Variants in ABR observed in about 807,000 individuals in gnomAD.
ABR encodes the protein active breakpoint cluster region-related protein.
ABR carries 35 observed loss-of-function variants against 107.2 expected under a neutral mutation model. The ratio of observed to expected loss-of-function variants is 0.33; its 90% confidence interval spans 0.25 to 0.43. The LOEUF is 0.43. Ranked by LOEUF, ABR falls within the 20% of genes least tolerant of loss-of-function variation. ABR has a pLI of 1.00. For missense variants in ABR, 815 were observed against 1,115.2 expected (o/e 0.73, Z 3.83); for synonymous variants, 498 against 462.0 (o/e 1.08, Z -1.00).
chr17:1,072,253 C>T (rs1002465584), intron 8 of ABR, among the ~76,000 whole-genome samples: 1 of 152,118 alleles, frequency 6.6e-6, no homozygotes, highest in Non-Finnish European at 1.5e-5. Flanking sequence ...AACTTCTCAG[C>T]CTAGGGCCTG....
chr17:1,103,246 CGA>C (rs548561819), intron 2 of ABR, among the ~76,000 whole-genome samples: 46 of 152,192 alleles, frequency 3.0e-4, no homozygotes, highest in African/African-American at 1.1e-3. Context: ...CCTGAGGCAC[CGA>C]GAGTCGGGAC....
chr17:1,027,944 C>A lies in ABR; in HGVS notation c.1792-14780G>T, dbSNP rs2150882489. ...TATCTTGTACCCAGCACCTGTGTAC[C>A]CTCGATGGCCAAGTGAGTGGTAGAG... On this transcript the variant is annotated intron_variant, in intron 16 of 22. Coordinates refer to ENST00000302538, the MANE Select transcript of ABR (RefSeq NM_021962.5). The surrounding 1 kb of genome is among the most constrained non-coding windows in gnomAD (Gnocchi z 4.7). Among the ~76,000 whole-genome samples, 2 of 152,074 alleles carry A rather than the reference C, an allele frequency of 1.3e-5. No homozygotes were observed. Among genetic ancestry groups the A allele is most frequent in the South Asian group, 4.2e-4 (2 of 4,792 alleles).
upstream of ABR, among the ~76,000 whole-genome samples, chr17:1,191,285 GCCAGCTTCTCA>G (rs1000612183): frequency 6.7e-6 from 1 of 148,294 alleles, no homozygotes; most frequent in African/African-American, 2.6e-5. Context: ...CAAGCTTCCT[GCCAGCTTCTCA>G]CCAGCTTCTC....
At position 1,102,924 on chromosome 17, in the gene ABR, C is replaced by G. The variant is rs1053006947; in HGVS notation, c.247-2189G>C. ...GGGGTTTCACCATGTTGGCCAGGCT[C>G]GTCTCAAACTCCTGACCTCAGGTGA... On this transcript the variant is annotated intron_variant, in intron 2 of 22. Coordinates refer to ENST00000302538, the MANE Select transcript of ABR (RefSeq NM_021962.5). 2.0e-5 allele frequency among the ~76,000 whole-genome samples: 3 copies of G among 152,056 alleles called. No individual in the cohort carries two copies. In the South Asian group the frequency reaches 6.2e-4, roughly 32 times the overall value.
intron 1 of ABR, among the ~76,000 whole-genome samples, chr17:1,214,521 G>A (rs968448805): frequency 3.3e-5 from 5 of 152,156 alleles, no homozygotes; most frequent in African/African-American, 1.2e-4. Flanking sequence ...TCTGATCCTG[G>A]CCGGGTGCAG....
At chr17:1,170,491 C>T (rs2041666905) in intron 1 of ABR, among the ~76,000 whole-genome samples, 1 of 152,174 alleles carries the variant, frequency 6.6e-6, no homozygotes, top group South Asian at 2.1e-4. Context: ...GGCTGGAGTG[C>T]AACAGCGTGA....
At position 1,200,853 on chromosome 17, in the gene ABR, G is replaced by A. The variant is rs944129260; in HGVS notation, c.838+27940C>T. Among the ~76,000 whole-genome samples the A allele has an allele frequency of 6.6e-6, 1 of 152,058 alleles. No individual in the cohort carries two copies. The highest frequency in any genetic ancestry group is 1.5e-5 in the Non-Finnish European group (1 of 68,022). On this transcript the variant is annotated intron_variant, in intron 1 of 22. Transcript: ENST00000574139. This position sits in a 1 kb window ranked among gnomAD's most constrained non-coding sequence, Gnocchi z 4.1. ...TCTATAACATCCCCAGTAAAAAGCTGAGAATTGCTCCTGACAAGGTCCTGG... is the reference window on the plus strand; with the variant it reads ...TCTATAACATCCCCAGTAAAAAGCTAAGAATTGCTCCTGACAAGGTCCTGG...
chr17:1,006,107 G>A lies in ABR; in HGVS notation c.2553C>T (p.Asn851=). 1 of 1,581,118 alleles carries A rather than the reference G, an allele frequency of 6.3e-7. No homozygotes were observed. Among genetic ancestry groups the A allele is most frequent in the Non-Finnish European group, 8.6e-7 (1 of 1,163,264 alleles). The change falls in exon 23 of 23, where the codon AAC becomes AAT. Residue 851 remains asparagine, a synonymous_variant. Transcript: ENST00000302538. ...PPISFAELKR[N]TLYFSTDV ...ACACGTCGGTGGAGAAGTACAGTGT[G>A]TTCCGCTTGAGTTCTGCGAAGGAAA...
Position 1,104,484 on chromosome 17 carries a change from G to A in ABR, c.247-3749C>T, listed in dbSNP as rs1004535543. ...GACTCAAGGCTATAGGGCATGCAGC[G>A]AGGGTCTGAGGCTTCACAGACGGTA... On this transcript the variant is annotated intron_variant, in intron 2 of 22. Transcript: ENST00000302538. 6.6e-5 allele frequency among the ~76,000 whole-genome samples: 10 copies of A among 152,202 alleles called. No homozygotes were observed. In the East Asian group the frequency reaches 1.2e-3, roughly 18 times the overall value.
chr17:1,047,435 C>T (rs2376592), intron 16 of ABR, among the ~76,000 whole-genome samples: 23,836 of 152,214 alleles, frequency 0.16, 2,331 homozygotes, highest in Admixed American at 0.25. Context: ...AGTCACGGGG[C>T]GAGACTTTCT....
intron 16 of ABR, among the ~76,000 whole-genome samples, chr17:1,020,117 T>A (rs573426790): frequency 1.1e-3 from 166 of 152,136 alleles, no homozygotes; most frequent in Middle Eastern, 6.8e-3. Flanking sequence ...GGAGTCGCAC[T>A]CTGTCGCCCA....
chr17:1,009,860 G>A (rs1191373017), intron 20 of ABR, 76 bp from the exon 21 acceptor site: 11 of 1,303,008 alleles, frequency 8.4e-6, no homozygotes, highest in Non-Finnish European at 1.2e-5. Context: ...GTGAGGCTGT[G>A]GGCCCCTGCG....
chr17:1,057,172 G>C, intron 12 of ABR, 70 bp from the exon 13 acceptor site: 2 of 1,047,736 alleles, frequency 1.9e-6, no homozygotes, highest in Non-Finnish European at 2.9e-6. Flanking sequence ...CTTCCCTGGG[G>C]GCTGCTGCAG....
At chr17:1,185,657 A>AATAAAATT (rs1358906549) in intron 1 of ABR, among the ~76,000 whole-genome samples, 2 of 140,856 alleles carry the variant, frequency 1.4e-5, no homozygotes, top group African/African-American at 5.7e-5. Flanking sequence ...AAAGAAATAA[A>AATAAAATT]AAAAAAAAAA....
chr17:1,056,025 G>C lies in ABR; in HGVS notation c.1561+10C>G. On this transcript the variant is annotated intron_variant, in intron 14 of 22. Transcript: ENST00000302538. The stretch of plus-strand genomic sequence containing the variant: ...GGCCCACCCAACCTCGTCCTGGCCA[G>C]GGCACTTACTGGCTGATTGCTTAAA... The C allele has an allele frequency of 6.2e-7, 1 of 1,613,464 alleles. No homozygotes were observed. Among genetic ancestry groups the C allele is most frequent in the Non-Finnish European group, 8.5e-7 (1 of 1,179,374 alleles).
Position 1,057,050 on chromosome 17 carries a change from G to C in ABR, c.1434C>G (p.Ser478=). 1 of 1,613,164 alleles carries C rather than the reference G, an allele frequency of 6.2e-7. No homozygotes were observed. The highest frequency in any genetic ancestry group is 2.2e-5 in the East Asian group (1 of 44,842). ...SSVELQVLTG[S]CFKLRTVHNI... ...TGTGTACAGTCCTAAGCTTGAAACA[G>C]GATCCTGTGAGCACCTGGAGCTCCA... Residue 478 remains serine, a synonymous_variant, in exon 13 of 23, where the codon TCC becomes TCG. Transcript: ENST00000302538.
chr17:1,056,666 G>C (rs1460558795), intron 13 of ABR, among the ~76,000 whole-genome samples: 1 of 152,110 alleles, frequency 6.6e-6, no homozygotes, highest in Non-Finnish European at 1.5e-5. Flanking sequence ...TCAAGAGCTG[G>C]TCCCTGGAAA....
chr17:1,018,152 C>T (rs1419184482), intron 16 of ABR, among the ~76,000 whole-genome samples: 2 of 152,104 alleles, frequency 1.3e-5, no homozygotes, highest in Admixed American at 6.5e-5. Context: ...ACGCCATTCT[C>T]CTGCCTCAGC....
At chr17:1,012,055 G>GCA (rs368923011) in intron 18 of ABR, 70 bp from the exon 19 acceptor site, 17 of 1,595,042 alleles carry the variant, frequency 1.1e-5, no homozygotes, top group African/African-American at 5.4e-5. Flanking sequence ...CCCCCACCCA[G>GCA]CACACACACA....
Sources: allele counts gnomAD v4.1 joint callset (sites outside exome capture counted in the v4.1 genomes callset), GRCh38; gene constraint gnomAD v4.1.1; non-coding constraint Gnocchi (gnomAD v3.1); transcripts MANE v1.5; gene names NCBI Gene and HGNC (gene_info 2026-07-23, HGNC 2026-07-21).